PTN: variants seen among roughly 807,000 people sequenced by gnomAD.
PTN encodes heparin affin regulatory protein.
Under a neutral mutation model 24.1 loss-of-function variants are expected in PTN, and 18 were observed. That is an observed-to-expected ratio of 0.75 (90% CI 0.52 to 1.11). PTN has a LOEUF of 1.11. PTN is among the 50% of genes least tolerant of loss of function. The pLI, the probability that PTN is intolerant of heterozygous loss-of-function variation, is 0.00. For synonymous variants in PTN, 78 were observed against 68.6 expected (o/e 1.14, Z -0.67); for missense variants, 163 against 198.8 (o/e 0.82, Z 1.08).
intron 4 of PTN, among the ~76,000 whole-genome samples, chr7:137,238,956 C>T (rs1264635422): frequency 1.3e-5 from 2 of 152,224 alleles, no homozygotes; most frequent in South Asian, 2.1e-4. Flanking sequence ...AAGGAGGTCC[C>T]GAAACCCAAT....
At chr7:137,262,241 G>T (rs1039960368) in intron 1 of PTN, among the ~76,000 whole-genome samples, 1 of 151,878 alleles carries the variant, frequency 6.6e-6, no homozygotes, top group African/African-American at 2.4e-5. Flanking sequence ...TTCAATATTT[G>T]TCATTTTATC....
intron 1 of PTN, among the ~76,000 whole-genome samples, chr7:137,275,247 T>A (rs1416125155): frequency 6.6e-6 from 1 of 152,186 alleles, no homozygotes; most frequent in Non-Finnish European, 1.5e-5. Flanking sequence ...GCATTTCCAA[T>A]GGAAGAAATA....
Position 137,253,528 on chromosome 7 carries a change from C to T in PTN, c.225G>A (p.Glu75=). The T allele has an allele frequency of 6.2e-7, 1 of 1,612,546 alleles. No homozygotes were observed. The highest frequency in any genetic ancestry group is 2.2e-5 in the East Asian group (1 of 44,860). ...GTREGTRTGA[E]CKQTMKTQRC... is the part of the protein sequence containing the mutation. ...TCTGGGTCTTCATGGTTTGCTTGCA[C>T]TCAGCTCCAGTCCGAGTGCCCTCCC... is the stretch of plus-strand genomic sequence containing the variant. The change falls in exon 3 of 5, where the codon GAG becomes GAA. Residue 75 remains glutamate, a synonymous_variant. Transcript: ENST00000348225.
intron 1 of PTN, among the ~76,000 whole-genome samples, chr7:137,290,402 A>G (rs1268516096): frequency 6.6e-6 from 1 of 152,198 alleles, no homozygotes; most frequent in African/African-American, 2.4e-5. Flanking sequence ...CTTGAAAACG[A>G]GCTTGCTTTA....
chr7:137,240,215 CCCA>C (rs1808605077), intron 4 of PTN, among the ~76,000 whole-genome samples: 1 of 152,064 alleles, frequency 6.6e-6, no homozygotes, highest in African/African-American at 2.4e-5. Flanking sequence ...TCATTGTCCA[CCCA>C]CCACCACCAC....
intron 1 of PTN, among the ~76,000 whole-genome samples, chr7:137,279,143 A>G (rs934708220): frequency 6.6e-6 from 1 of 151,830 alleles, no homozygotes; most frequent in Non-Finnish European, 1.5e-5. Flanking sequence ...AATAAACAAA[A>G]ACATTAAAAT....
intron 1 of PTN, among the ~76,000 whole-genome samples, chr7:137,264,444 T>C (rs1280019610): frequency 6.6e-6 from 1 of 152,170 alleles, no homozygotes; most frequent in Non-Finnish European, 1.5e-5. Context: ...GCTTCGGCCA[T>C]GAGTGGACCA....
Position 137,323,545 on chromosome 7 carries a change from T to C in PTN, c.-2+19894A>G, listed in dbSNP as rs1169803294. Among the ~76,000 whole-genome samples, 5 of 152,260 alleles carry C rather than the reference T, an allele frequency of 3.3e-5. No individual in the cohort carries two copies. In the South Asian group the frequency reaches 8.3e-4, roughly 25 times the overall value. On this transcript the variant is annotated intron_variant, in intron 1 of 4. Coordinates refer to ENST00000348225, the MANE Select transcript of PTN (RefSeq NM_002825.7). ...ACTTTCAAAACATGGAAAGTTGAGT[T>C]TTTACCCTTGGAAGTCACATATGAA...
rs576656904 is a variant in PTN at position 137,272,546 on chromosome 7, C to T, written c.-1-17572G>A. ...CCTCATTCACAACCCTGAATGTGCA[C>T]GTGGCATATTATTGATTCCATAAAA... On this transcript the variant is annotated intron_variant, in intron 1 of 4. Transcript: ENST00000348225. Among the ~76,000 whole-genome samples, 136 of 152,216 alleles carry T rather than the reference C, an allele frequency of 8.9e-4. 4 individuals are homozygous for T. The South Asian group carries it at 0.026, about 29-fold the overall frequency.
intron 1 of PTN, among the ~76,000 whole-genome samples, chr7:137,314,198 T>A (rs1810030935): frequency 6.6e-6 from 1 of 152,164 alleles, no homozygotes; most frequent in African/African-American, 2.4e-5. Context: ...GAAGGCTCTA[T>A]AGTACCCTAA....
At chr7:137,335,970 A>G (rs2128883529) in intron 1 of PTN, among the ~76,000 whole-genome samples, 1 of 134,696 alleles carries the variant, frequency 7.4e-6, no homozygotes, top group Admixed American at 7.9e-5. Flanking sequence ...CTTTTTCTTC[A>G]TTCCTGTCGC....
intron 1 of PTN, among the ~76,000 whole-genome samples, chr7:137,304,609 C>A (rs370510590): frequency 6.6e-6 from 1 of 151,930 alleles, no homozygotes; most frequent in South Asian, 2.1e-4. Context: ...AGGAAGTTCA[C>A]GTGGAATGCA....
At chr7:137,328,745 G>A (rs1810303397) in intron 1 of PTN, among the ~76,000 whole-genome samples, 1 of 152,124 alleles carries the variant, frequency 6.6e-6, no homozygotes, top group African/African-American at 2.4e-5. Context: ...ACCATGCCAG[G>A]CCAACTGGTG....
intron 2 of PTN, among the ~76,000 whole-genome samples, chr7:137,254,190 C>T (rs978338797): frequency 6.6e-5 from 10 of 151,380 alleles, no homozygotes; most frequent in African/African-American, 1.5e-4. Flanking sequence ...CCCAGCTACT[C>T]GGGAAGCTGA....
intron 1 of PTN, among the ~76,000 whole-genome samples, chr7:137,310,969 A>G (rs1272601164): frequency 6.6e-6 from 1 of 152,040 alleles, no homozygotes; most frequent in Non-Finnish European, 1.5e-5. Context: ...TGGTATCTCA[A>G]GCCTGTAATC....
chr7:137,315,134 T>C (rs917149193), intron 1 of PTN, among the ~76,000 whole-genome samples: 1 of 152,146 alleles, frequency 6.6e-6, no homozygotes, highest in African/African-American at 2.4e-5. Flanking sequence ...GGTGATGGGC[T>C]CGTTGCCAAT....
At chr7:137,316,853 G>A (rs894923030) in intron 1 of PTN, among the ~76,000 whole-genome samples, 15 of 152,234 alleles carry the variant, frequency 9.9e-5, no homozygotes, top group Middle Eastern at 3.4e-3. Flanking sequence ...GTGTTTGACC[G>A]TCTAGGATGT....
At position 137,256,412 on chromosome 7, in the gene PTN, C is replaced by T. The variant is rs953335393; in HGVS notation, c.-1-1438G>A. 7.9e-5 allele frequency among the ~76,000 whole-genome samples: 12 copies of T among 152,064 alleles called. No homozygotes were observed. The South Asian group carries it at 1.2e-3, about 16-fold the overall frequency. On this transcript the variant is annotated intron_variant, in intron 1 of 4. Coordinates refer to ENST00000348225, the MANE Select transcript of PTN (RefSeq NM_002825.7). ...ACTCCCAGTTATGAGTGAGAACATG[C>T]GGTGTTTGGTTTCCTGTTCCTGTGT...
At chr7:137,276,860 G>T (rs322249) in intron 1 of PTN, among the ~76,000 whole-genome samples, 6 of 151,968 alleles carry the variant, frequency 3.9e-5, no homozygotes, top group African/African-American at 1.5e-4. Context: ...AAAAGCTGTA[G>T]CAGTTTTCTC....
Sources: gnomAD v4.1 joint callset for allele counts (sites outside exome capture counted in the v4.1 genomes callset) on GRCh38, gnomAD v4.1.1 for gene constraint, MANE v1.5 for transcripts, NCBI Gene and HGNC (gene_info 2026-07-23, HGNC 2026-07-21) for gene names.